The following DOCK10 variants were observed in gnomAD, a reference collection of about 807,000 sequenced individuals.
DOCK10 encodes the protein dedicator of cytokinesis protein 10.
DOCK10 carries 145 observed loss-of-function variants against 280.1 expected under a neutral mutation model. The observed-to-expected ratio is 0.52, with a 90% CI of 0.45 to 0.59. The LOEUF (loss-of-function observed/expected upper bound fraction) is 0.59. DOCK10 is among the 20% of genes least tolerant of loss of function. DOCK10 has a pLI of 0.00. For synonymous variants in DOCK10, 915 were observed against 942.2 expected (o/e 0.97, Z 0.53); for missense variants, 2,368 against 2,651.7 (o/e 0.89, Z 2.35).
intron 1 of DOCK10, among the ~76,000 whole-genome samples, chr2:224,995,370 A>G (rs1706242821): frequency 6.6e-6 from 1 of 152,230 alleles, no homozygotes; most frequent in South Asian, 2.1e-4. Flanking sequence ...CCACTGCCAC[A>G]CACAAATTAT....
intron 1 of DOCK10, among the ~76,000 whole-genome samples, chr2:224,976,051 C>G (rs907529308): frequency 5.3e-5 from 8 of 152,164 alleles, no homozygotes; most frequent in African/African-American, 1.9e-4. Flanking sequence ...TTCTTATAAG[C>G]CATGTGAGCC....
chr2:225,009,653 A>AG (rs1553632094), intron 1 of DOCK10, among the ~76,000 whole-genome samples: 1 of 145,472 alleles, frequency 6.9e-6, no homozygotes. Flanking sequence ...AAAAAAAAAG[A>AG]AAGAAAAAAG....
intron 2 of DOCK10, among the ~76,000 whole-genome samples, chr2:224,924,922 G>A (rs973918344): frequency 2.0e-5 from 3 of 152,146 alleles, no homozygotes; most frequent in Non-Finnish European, 4.4e-5. Flanking sequence ...AGGTGCTTAT[G>A]TTAGGTGTTT....
chr2:224,943,566 T>C (rs1377610613), intron 1 of DOCK10, among the ~76,000 whole-genome samples: 1 of 152,132 alleles, frequency 6.6e-6, no homozygotes, highest in Non-Finnish European at 1.5e-5. Flanking sequence ...AACGATCACT[T>C]TTTTCTTCTT....
In DOCK10 at chr2:224,795,064, G is replaced by T; in HGVS notation, c.4969C>A (p.Leu1657Met). 1 of 1,613,908 alleles carries T rather than the reference G, an allele frequency of 6.2e-7. No homozygotes were observed. The highest frequency in any genetic ancestry group is 8.5e-7 in the Non-Finnish European group (1 of 1,179,856). Residue 1657 changes from leucine (L) to methionine (M), a missense_variant, in exon 45 of 56, where the codon CTG (leucine) becomes ATG (methionine). Around this residue, in one of 2 missense-constraint regions of DOCK10, gnomAD observed 1,159 missense variants for 1,400.8 expected, o/e 0.83. Transcript: ENST00000258390. Reference sequence around the variant, plus strand: ...AAAACAGTCCTTATACGCTTAGTCAGGTCCTTCACCTCTGCTGGGAAATTG... The same window carrying T: ...AAAACAGTCCTTATACGCTTAGTCATGTCCTTCACCTCTGCTGGGAAATTG... ...NSNFPAEVKD[L>M]TKRIRTVLMA...
At position 224,837,882 on chromosome 2, in the gene DOCK10, C is replaced by T. The variant is rs986662643; in HGVS notation, c.2781-51G>A. On this transcript the variant is annotated intron_variant, in intron 24 of 55. Transcript: ENST00000258390. ...CCTTTCTGGAGAGGGCAGAAAAACCCCGCTTTAGTTTGTCATTACAGTGCT... is the reference window on the plus strand; with the variant it reads ...CCTTTCTGGAGAGGGCAGAAAAACCTCGCTTTAGTTTGTCATTACAGTGCT... The T allele has an allele frequency of 6.3e-6, 9 of 1,427,906 alleles. No homozygotes were observed. The African/African-American group carries it at 1.3e-4, about 20-fold the overall frequency. The allele number at this position is 1,427,906 out of a possible 1,614,324, so 88.5% of individuals were successfully genotyped here.
intron 1 of DOCK10, among the ~76,000 whole-genome samples, chr2:224,969,573 C>T (rs895592910): frequency 1.3e-5 from 2 of 152,148 alleles, no homozygotes; most frequent in African/African-American, 4.8e-5. Context: ...CCCATCATGC[C>T]AGCCCCTGAA....
intron 50 of DOCK10, among the ~76,000 whole-genome samples, chr2:224,782,247 C>G (rs115472475): frequency 0.013 from 1,940 of 152,280 alleles, 31 homozygotes; most frequent in African/African-American, 0.04. Flanking sequence ...CCCCCAAACT[C>G]CTTTTTTATT....
intron 1 of DOCK10, among the ~76,000 whole-genome samples, chr2:224,985,482 G>A (rs965785311): frequency 1.2e-4 from 19 of 152,050 alleles, no homozygotes; most frequent in Non-Finnish European, 1.2e-4. Context: ...AGAGATAGCC[G>A]TGTTGTGTAG....
At chr2:224,986,896 G>C (rs546719849) in intron 1 of DOCK10, among the ~76,000 whole-genome samples, 1 of 152,262 alleles carries the variant, frequency 6.6e-6, no homozygotes, top group South Asian at 2.1e-4. Flanking sequence ...AGCCTCAAGG[G>C]AATCATCACC....
intron 2 of DOCK10, among the ~76,000 whole-genome samples, chr2:224,928,600 T>G (rs561942556): frequency 6.6e-6 from 1 of 152,338 alleles, no homozygotes; most frequent in African/African-American, 2.4e-5. Context: ...TCCACTATTA[T>G]TCAAAAATAG....
chr2:224,798,554 T>A (rs1169494290), intron 41 of DOCK10, among the ~76,000 whole-genome samples: 1 of 152,092 alleles, frequency 6.6e-6, no homozygotes, highest in Admixed American at 6.6e-5. Context: ...TGACATTTCA[T>A]CTGAAATAGG....
chr2:224,893,731 T>C, intron 4 of DOCK10: 1 of 385,618 alleles, frequency 2.6e-6, no homozygotes, highest in South Asian at 2.0e-5. Flanking sequence ...ACCTTTTTTT[T>C]TGCTTTTCTA....
At chr2:224,897,315 G>T (rs13425558) in intron 3 of DOCK10, among the ~76,000 whole-genome samples, 15,219 of 152,162 alleles carry the variant, frequency 0.1, 1,026 homozygotes, top group African/African-American at 0.19. Context: ...GGGTACATGA[G>T]ATGGTTTGAT....
intron 1 of DOCK10, among the ~76,000 whole-genome samples, chr2:224,978,890 A>G (rs1705596423): frequency 6.6e-6 from 1 of 152,178 alleles, no homozygotes; most frequent in Non-Finnish European, 1.5e-5. Flanking sequence ...CTTTATCTGA[A>G]TGGCAACTTG....
At chr2:224,795,141 G>C (rs1692476794) in intron 44 of DOCK10, 47 bp from the exon 45 acceptor site, 1 of 1,544,674 alleles carries the variant, frequency 6.5e-7, no homozygotes, top group Non-Finnish European at 8.9e-7. Flanking sequence ...AGAATCTATA[G>C]GTTAACTGAC....
intron 44 of DOCK10, 83 bp from the exon 45 acceptor site, chr2:224,795,177 T>C: frequency 8.1e-7 from 1 of 1,234,726 alleles, no homozygotes; most frequent in East Asian, 2.3e-5. Flanking sequence ...TAATTATGGC[T>C]ACGCATCACA....
chr2:224,810,376 A>G (rs1043116160), intron 31 of DOCK10, among the ~76,000 whole-genome samples: 2 of 152,208 alleles, frequency 1.3e-5, no homozygotes, highest in African/African-American at 4.8e-5. Flanking sequence ...CAAAGGGTAC[A>G]AACTTTCAGT....
In DOCK10 at chr2:224,770,500, T is replaced by C; in HGVS notation, c.6305+45A>G. On this transcript the variant is annotated intron_variant, in intron 54 of 55. Transcript: ENST00000258390. This position sits in a 1 kb window ranked among gnomAD's most constrained non-coding sequence, Gnocchi z 4.5. ...TTCTTGGGGGATTGAGGACTCCCTGTCTCAGGAAGTTCAAGGAAGAACATC... is the reference window on the plus strand; with the variant it reads ...TTCTTGGGGGATTGAGGACTCCCTGCCTCAGGAAGTTCAAGGAAGAACATC... 6.3e-7 allele frequency: 1 copy of C among 1,578,496 alleles called. No individual in the cohort carries two copies. Among genetic ancestry groups the C allele is most frequent in the Non-Finnish European group, 8.7e-7 (1 of 1,147,948 alleles).
Sources: allele counts gnomAD v4.1 joint callset (sites outside exome capture counted in the v4.1 genomes callset), GRCh38; gene constraint gnomAD v4.1.1; regional missense constraint gnomAD v4.1.1; non-coding constraint Gnocchi (gnomAD v3.1); transcripts MANE v1.5; gene names NCBI Gene and HGNC (gene_info 2026-07-23, HGNC 2026-07-21).